The following NAV2 variants were observed in gnomAD, a reference collection of about 807,000 sequenced individuals.
NAV2 encodes helicase, APC down-regulated 1.
Under a neutral mutation model 223.2 loss-of-function variants are expected in NAV2, and 54 were observed. That is an observed-to-expected ratio of 0.24 (90% CI 0.19 to 0.30). The LOEUF is 0.30. NAV2 is among the 10% of genes least tolerant of loss of function. NAV2 has a pLI of 1.00. For missense variants in NAV2, 2,806 were observed against 3,147.5 expected (o/e 0.89, Z 2.60); for synonymous variants, 1,279 against 1,239.3 (o/e 1.03, Z -0.67).
intron 1 of NAV2, among the ~76,000 whole-genome samples, chr11:19,656,282 C>T (rs2048123304): frequency 6.6e-6 from 1 of 152,176 alleles, no homozygotes; most frequent in African/African-American, 2.4e-5. Context: ...AAGGCCCATC[C>T]CTTGTCACGG....
chr11:19,555,482 T>A (rs544755366), intron 1 of NAV2, among the ~76,000 whole-genome samples: 22 of 152,140 alleles, frequency 1.4e-4, no homozygotes, highest in African/African-American at 5.1e-4. Context: ...CAGCATCCAC[T>A]CCAATCACTG....
chr11:19,731,710 C>G (rs1011725626), intron 1 of NAV2, among the ~76,000 whole-genome samples: 1 of 152,156 alleles, frequency 6.6e-6, no homozygotes, highest in Non-Finnish European at 1.5e-5. Context: ...TGGGCATGGG[C>G]CGATCATTTA....
Position 19,892,572 on chromosome 11 carries a change from A to G in NAV2, c.909A>G (p.Pro303=). 1 of 1,613,154 alleles carries G rather than the reference A, an allele frequency of 6.2e-7. No homozygotes were observed. Among genetic ancestry groups the G allele is most frequent in the Non-Finnish European group, 8.5e-7 (1 of 1,179,652 alleles). Reference sequence around the variant, plus strand: ...CCAAACCAGTCACCTCCCCACCCCCACCGCCAAGCAGCCACGAGAAAGGTG... The same window carrying G: ...CCAAACCAGTCACCTCCCCACCCCCGCCGCCAAGCAGCCACGAGAAAGGTG... ...DKSKPVTSPP[P]PPSSHEKEPL... Residue 303 remains proline (P), a synonymous_variant, in exon 6 of 38, where the codon CCA becomes CCG. Coordinates refer to ENST00000349880, the MANE Select transcript of NAV2 (RefSeq NM_145117.5).
chr11:19,585,593 A>G (rs1359401195), intron 1 of NAV2, among the ~76,000 whole-genome samples: 2 of 152,044 alleles, frequency 1.3e-5, no homozygotes, highest in African/African-American at 2.4e-5. Context: ...AAATCTCTCA[A>G]CATTTGCTTG....
intron 1 of NAV2, among the ~76,000 whole-genome samples, chr11:19,428,323 G>T (rs1850915247): frequency 6.6e-6 from 1 of 152,146 alleles, no homozygotes; most frequent in Non-Finnish European, 1.5e-5. Context: ...GGGTAGCCTA[G>T]TGGCTTATCT....
intron 1 of NAV2, among the ~76,000 whole-genome samples, chr11:19,422,226 G>T (rs1408573465): frequency 6.6e-6 from 1 of 152,218 alleles, no homozygotes; most frequent in Non-Finnish European, 1.5e-5. Flanking sequence ...CACAGTGCCA[G>T]TCTGGGGGGC....
In NAV2 at chr11:19,617,360, C is replaced by T. The variant is rs189516570; in HGVS notation, c.76-215124C>T. ...AGGTTGGAATTCTGCAGAAAGCATACACCTTCCTTCCCAACAGGTTTATAA... is the reference window on the plus strand; with the variant it reads ...AGGTTGGAATTCTGCAGAAAGCATATACCTTCCTTCCCAACAGGTTTATAA... On this transcript the variant is annotated intron_variant, in intron 1 of 37. Coordinates refer to the NAV2 transcript ENST00000360655. Among the ~76,000 whole-genome samples, 9 of 152,234 alleles carry T rather than the reference C, an allele frequency of 5.9e-5. No individual in the cohort carries two copies. In the East Asian group the frequency reaches 1.7e-3, roughly 29 times the overall value.
chr11:19,893,615 C>G (rs1212054776), intron 6 of NAV2, among the ~76,000 whole-genome samples: 3 of 152,176 alleles, frequency 2.0e-5, no homozygotes, highest in Non-Finnish European at 4.4e-5. Context: ...GCTAATCACT[C>G]TATCTTTTCC....
chr11:19,651,955 A>G (rs967574285), intron 1 of NAV2, among the ~76,000 whole-genome samples: 27 of 152,184 alleles, frequency 1.8e-4, no homozygotes, highest in African/African-American at 6.3e-4. Flanking sequence ...ACCTTGAAGG[A>G]TGAGTATTTA....
At chr11:19,823,342 G>A (rs1356680177) in intron 1 of NAV2, among the ~76,000 whole-genome samples, 1 of 152,136 alleles carries the variant, frequency 6.6e-6, no homozygotes, top group Non-Finnish European at 1.5e-5. Flanking sequence ...CAAGTAGCTG[G>A]GATTATGGGT....
rs148544359 is a variant in NAV2 at position 20,044,382 on chromosome 11, C to T, written c.3199+110C>T. ...TATATTTTGTCTCAGGATTTATACTCTGCTAACAACGAGCTTCCATAAACT... is the reference window on the plus strand; with the variant it reads ...TATATTTTGTCTCAGGATTTATACTTTGCTAACAACGAGCTTCCATAAACT... On this transcript the variant is annotated intron_variant, in intron 13 of 37. Coordinates refer to ENST00000349880, the MANE Select transcript of NAV2 (RefSeq NM_145117.5). 6.0e-6 allele frequency: 6 copies of T among 1,004,816 alleles called. No individual in the cohort carries two copies. In the African/African-American group the frequency reaches 8.0e-5, roughly 13 times the overall value. 62.2% of individuals were successfully genotyped at this position (1,004,816 alleles called of 1,614,324 possible). A position where few individuals can be genotyped will look rare whatever the true frequency, so the allele number is the denominator to read the frequency against.
intron 1 of NAV2, among the ~76,000 whole-genome samples, chr11:19,408,016 T>C (rs992788650): frequency 6.6e-6 from 1 of 152,170 alleles, no homozygotes; most frequent in African/African-American, 2.4e-5. Context: ...CGTGCTGACC[T>C]GGGACTTTGT....
upstream of NAV2, among the ~76,000 whole-genome samples, chr11:19,348,166 A>G (rs1158935326): frequency 1.3e-5 from 2 of 152,164 alleles, no homozygotes; most frequent in Non-Finnish European, 2.9e-5. Flanking sequence ...GGCTGGTGTG[A>G]TGGGATGTGA....
intron 12 of NAV2, among the ~76,000 whole-genome samples, chr11:20,040,790 G>A (rs577464700): frequency 1.1e-4 from 17 of 152,302 alleles, no homozygotes; most frequent in East Asian, 9.6e-4. Flanking sequence ...CTCTTCGTAC[G>A]TCCCCATGTG....
chr11:19,901,901 A>G (rs1034766197), intron 6 of NAV2, among the ~76,000 whole-genome samples: 2 of 152,162 alleles, frequency 1.3e-5, no homozygotes, highest in African/African-American at 2.4e-5. Flanking sequence ...TTAGACTGGC[A>G]ATATTAAAAA....
chr11:19,781,426 G>T (rs542335919), intron 1 of NAV2, among the ~76,000 whole-genome samples: 6 of 152,160 alleles, frequency 3.9e-5, no homozygotes, highest in Non-Finnish European at 8.8e-5. Flanking sequence ...GATGGGTTGG[G>T]TCATCACCCT....
chr11:19,893,027 T>C (rs1162239763), intron 6 of NAV2, among the ~76,000 whole-genome samples: 1 of 152,168 alleles, frequency 6.6e-6, no homozygotes, highest in Non-Finnish European at 1.5e-5. Context: ...TTTTTCACCC[T>C]TTGAAAAAGT....
intron 1 of NAV2, among the ~76,000 whole-genome samples, chr11:19,470,862 C>T (rs1590269997): frequency 6.6e-6 from 1 of 152,152 alleles, no homozygotes; most frequent in Non-Finnish European, 1.5e-5. Context: ...TAGGGGATAA[C>T]CACTCAATCT....
chr11:19,446,652 GTGCCTGCCTGCC>G (rs541675739), intron 1 of NAV2, among the ~76,000 whole-genome samples: 103 of 152,176 alleles, frequency 6.8e-4, no homozygotes, highest in African/African-American at 2.4e-3. Context: ...CTCAGACGGT[GTGCCTGCCTGCC>G]TGCCTGCCTG....
Sources: allele counts gnomAD v4.1 joint callset (sites outside exome capture counted in the v4.1 genomes callset), GRCh38; gene constraint gnomAD v4.1.1; transcripts MANE v1.5; gene names NCBI Gene and HGNC (gene_info 2026-07-23, HGNC 2026-07-21).